CLRN1: variants seen among roughly 807,000 people sequenced by gnomAD.
CLRN1 encodes the protein clarin 1.
In CLRN1, 15 loss-of-function variants were observed where a neutral mutation model predicts 18.7. That is an observed-to-expected ratio of 0.80 (90% CI 0.54 to 1.23). CLRN1 has a LOEUF of 1.23. Among genes scored for constraint, CLRN1 ranks in the 50% most tolerant of loss-of-function variants. The pLI is 0.00. For synonymous variants in CLRN1, 104 were observed against 102.9 expected (o/e 1.01, Z -0.07); for missense variants, 311 against 277.5 (o/e 1.12, Z -0.86).
chr3:150,940,448 G>C, intron 2 of CLRN1: 1 of 1,530,120 alleles, frequency 6.5e-7, no homozygotes, highest in Non-Finnish European at 8.7e-7. Context: ...AATTGTATGA[G>C]AGAAGGGAGT....
intron 1 of CLRN1, among the ~76,000 whole-genome samples, chr3:150,959,453 A>AC (rs1714919470): frequency 6.6e-6 from 1 of 152,138 alleles, no homozygotes; most frequent in African/African-American, 2.4e-5. Flanking sequence ...ACATGGTGAA[A>AC]CCCCGTCTCT....
chr3:150,940,082 T>C (rs947170847), intron 2 of CLRN1, among the ~76,000 whole-genome samples: 8 of 152,260 alleles, frequency 5.3e-5, no homozygotes, highest in African/African-American at 1.7e-4. Flanking sequence ...CTGTTTCAAG[T>C]CAGCAAATTC....
At chr3:150,928,972 C>T (rs1712982467) in intron 2 of CLRN1, among the ~76,000 whole-genome samples, 1 of 152,110 alleles carries the variant, frequency 6.6e-6, no homozygotes, top group African/African-American at 2.4e-5. Context: ...GGCTGGAGCC[C>T]CAGCATACAT....
chr3:150,957,147 C>G (rs1714779930), intron 1 of CLRN1, among the ~76,000 whole-genome samples: 1 of 151,972 alleles, frequency 6.6e-6, no homozygotes, highest in Admixed American at 6.6e-5. Context: ...CTTTCTAATT[C>G]ACTATTTACC....
At chr3:150,936,973 A>G (rs377433607) in intron 2 of CLRN1, among the ~76,000 whole-genome samples, 1 of 152,198 alleles carries the variant, frequency 6.6e-6, no homozygotes, top group African/African-American at 2.4e-5. Flanking sequence ...CCTGACCACC[A>G]TCTCAAAGCC....
intron 2 of CLRN1, among the ~76,000 whole-genome samples, chr3:150,940,897 G>A (rs1345945297): frequency 6.6e-6 from 1 of 152,124 alleles, no homozygotes; most frequent in Non-Finnish European, 1.5e-5. Context: ...GATACACCTA[G>A]CATTAGGCTA....
chr3:150,951,130 T>C (rs977490877), intron 1 of CLRN1, among the ~76,000 whole-genome samples: 2 of 152,030 alleles, frequency 1.3e-5, no homozygotes, highest in African/African-American at 2.4e-5. Context: ...CAACAGACAC[T>C]GGGATCTTCT....
At chr3:150,947,694 A>C (rs1037179957) in intron 1 of CLRN1, among the ~76,000 whole-genome samples, 19 of 152,234 alleles carry the variant, frequency 1.2e-4, no homozygotes, top group African/African-American at 4.1e-4. Flanking sequence ...CCAAAGTCAT[A>C]TCAAACACCC....
chr3:150,967,419 A>AATAGT (rs1386424632), intron 1 of CLRN1, among the ~76,000 whole-genome samples: 1 of 151,832 alleles, frequency 6.6e-6, no homozygotes, highest in Admixed American at 6.6e-5. Context: ...GGTAAACAAA[A>AATAGT]CCTCTATTTG....
At chr3:150,956,807 T>C (rs2107974873) in intron 1 of CLRN1, among the ~76,000 whole-genome samples, 1 of 152,316 alleles carries the variant, frequency 6.6e-6, no homozygotes, top group South Asian at 2.1e-4. Flanking sequence ...TTTCTAGTTT[T>C]TTCCTCTCTG....
rs200124771 is a variant in CLRN1 at position 150,972,439 on chromosome 3, A to C, written c.253+17T>G. ...CTGCCTAAAGCATTAAATAACTCAA[A>C]TGCAATTGCTACTTACATGAGAACC... On this transcript the variant is annotated intron_variant, in intron 1 of 2. Coordinates refer to ENST00000327047, the MANE Select transcript of CLRN1 (RefSeq NM_174878.3). The C allele has an allele frequency of 6.2e-7, 1 of 1,614,138 alleles. No individual in the cohort carries two copies. The highest frequency in any genetic ancestry group is 2.2e-5 in the East Asian group (1 of 44,876).
At chr3:150,935,452 T>C (rs941256335) in intron 2 of CLRN1, among the ~76,000 whole-genome samples, 65 of 152,086 alleles carry the variant, frequency 4.3e-4, no homozygotes, top group African/African-American at 1.5e-3. Flanking sequence ...GCTTCATCCA[T>C]GTCCCTACAA....
At chr3:150,954,336 G>A (rs190747735) in intron 1 of CLRN1, among the ~76,000 whole-genome samples, 96 of 152,324 alleles carry the variant, frequency 6.3e-4, no homozygotes, top group Non-Finnish European at 8.4e-4. Flanking sequence ...TAGATATGTA[G>A]TTTATCTCAG....
intron 1 of CLRN1, among the ~76,000 whole-genome samples, chr3:150,952,702 A>G (rs765991923): frequency 2.0e-5 from 3 of 152,208 alleles, no homozygotes; most frequent in Non-Finnish European, 4.4e-5. Context: ...CTACTTCATC[A>G]TCTCTGATAG....
Position 150,926,908 on chromosome 3 carries a change from A to G in CLRN1, c.*1028T>C. ...ATTTGATGGGTAATTCAGGGGAAAA[A>G]AAAAGTTGACCTGGGTCATGCTTGG... On this transcript the variant is annotated 3_prime_UTR_variant, in exon 3 of 3. Coordinates refer to ENST00000327047, the MANE Select transcript of CLRN1 (RefSeq NM_174878.3). The G allele has an allele frequency of 2.5e-6, 4 of 1,614,172 alleles. No individual in the cohort carries two copies. The highest frequency in any genetic ancestry group is 3.4e-6 in the Non-Finnish European group (4 of 1,180,028).
chr3:150,962,547 G>C (rs932059156), intron 1 of CLRN1, among the ~76,000 whole-genome samples: 9 of 151,906 alleles, frequency 5.9e-5, no homozygotes, highest in Non-Finnish European at 1.0e-4. Context: ...TGAATCAAAT[G>C]CCATGTGCCT....
chr3:150,955,831 T>G (rs574492179), intron 1 of CLRN1, among the ~76,000 whole-genome samples: 1 of 152,296 alleles, frequency 6.6e-6, no homozygotes, highest in Admixed American at 6.5e-5. Context: ...ATGGGGGACC[T>G]TTTTTTATGA....
In CLRN1 at chr3:150,941,791, G is replaced by A. The variant is rs201781935; in HGVS notation, c.254-30C>T. The A allele has an allele frequency of 6.3e-5, 101 of 1,600,530 alleles. No homozygotes were observed. In the Admixed American group the frequency reaches 1.6e-3, roughly 26 times the overall value. On this transcript the variant is annotated intron_variant, in intron 1 of 2. Coordinates refer to ENST00000327047, the MANE Select transcript of CLRN1 (RefSeq NM_174878.3). ...AGATAAGACAAAACTAGGGTTAGAA[G>A]AAGTTTCATTAGCAGTAGTCTGCAA... is the stretch of plus-strand genomic sequence containing the variant.
chr3:150,947,472 C>G (rs1482021241), intron 1 of CLRN1, among the ~76,000 whole-genome samples: 1 of 152,164 alleles, frequency 6.6e-6, no homozygotes, highest in African/African-American at 2.4e-5. Flanking sequence ...GACTTCAGTG[C>G]TTTACTGACA....
Sources: gnomAD v4.1 joint callset for allele counts (sites outside exome capture counted in the v4.1 genomes callset) on GRCh38, gnomAD v4.1.1 for gene constraint, MANE v1.5 for transcripts, NCBI Gene and HGNC (gene_info 2026-07-23, HGNC 2026-07-21) for gene names.